Variants in SPON2 observed in about 807,000 individuals in gnomAD.
SPON2 encodes spondin 2.
Under a neutral mutation model 29.9 loss-of-function variants are expected in SPON2, and 32 were observed. That is an observed-to-expected ratio of 1.07 (90% CI 0.81 to 1.44). The LOEUF is 1.44. Among genes scored for constraint, SPON2 ranks in the 40% most tolerant of loss-of-function variants. SPON2 has a pLI of 0.00. For missense variants in SPON2, 541 were observed against 455.5 expected (o/e 1.19, Z -1.71); for synonymous variants, 248 against 209.1 (o/e 1.19, Z -1.61).
intron 1 of SPON2, among the ~76,000 whole-genome samples, chr4:1,180,794 G>A (rs1015170059): frequency 2.6e-5 from 4 of 152,144 alleles, no homozygotes; most frequent in Non-Finnish European, 5.9e-5. Flanking sequence ...AGTGTAAAGT[G>A]TAAGTAAAAA....
chr4:1,176,560 ACATT>A (rs1234089874), upstream of SPON2, among the ~76,000 whole-genome samples: 1 of 151,878 alleles, frequency 6.6e-6, no homozygotes, highest in Non-Finnish European at 1.5e-5. Flanking sequence ...CTCACACAGT[ACATT>A]CATTCAAGCA....
At chr4:1,200,222 CCACTGTCTCTGA>C (rs1728164037) in intron 1 of SPON2, among the ~76,000 whole-genome samples, 1 of 152,148 alleles carries the variant, frequency 6.6e-6, no homozygotes, top group African/African-American at 2.4e-5. Context: ...GCTTCCCTGT[CCACTGTCTCTGA>C]CACGTTCTTC....
intron 1 of SPON2, among the ~76,000 whole-genome samples, chr4:1,186,524 A>C (rs1727811163): frequency 6.6e-6 from 1 of 152,038 alleles, no homozygotes; most frequent in Non-Finnish European, 1.5e-5. Flanking sequence ...GGCTGGTCTC[A>C]AACTCCTGAG....
intron 1 of SPON2, chr4:1,194,884 A>G (rs1472774132): frequency 2.8e-5 from 4 of 142,012 alleles, no homozygotes; most frequent in African/African-American, 8.0e-5. Context: ...GGCGGCTCCA[A>G]CGCCACAGCC....
rs567138111 is a variant in SPON2 at position 1,203,127 on chromosome 4, C to T, written c.-234+4753G>A. Among the ~76,000 whole-genome samples, 28 of 152,326 alleles carry T rather than the reference C, an allele frequency of 1.8e-4. 1 individual carries two copies. The East Asian group carries it at 4.2e-3, about 23-fold the overall frequency. On this transcript the variant is annotated intron_variant, in intron 1 of 3. Transcript: ENST00000509233. The stretch of plus-strand genomic sequence containing the variant: ...CTGCCCTCAGCAGACCCCAGCCTGC[C>T]GGCACCTGGATCTTGGACTCCCCAG...
chr4:1,199,688 A>C (rs952487653), upstream of SPON2: 1 of 152,262 alleles, frequency 6.6e-6, no homozygotes, highest in Non-Finnish European at 1.5e-5. This position sits in a 1 kb window ranked among gnomAD's most constrained non-coding sequence, Gnocchi z 4.5. Context: ...GGGTCCCCCC[A>C]TCACGCCTCT....
At position 1,204,154 on chromosome 4, in the gene SPON2, G is replaced by A. The variant is rs754759240; in HGVS notation, c.-234+3726C>T. Among the ~76,000 whole-genome samples the A allele has an allele frequency of 4.6e-5, 7 of 152,364 alleles. No homozygotes were observed. In the Middle Eastern group the frequency reaches 0.014, roughly 296 times the overall value. On this transcript the variant is annotated intron_variant, in intron 1 of 3. Coordinates refer to the SPON2 transcript ENST00000509233. ...CCCAAAGTGCTGGGATTACAGGCGTGAGCCACTGCGCCCGGCCTCTCCCAG... is the reference window on the plus strand; with the variant it reads ...CCCAAAGTGCTGGGATTACAGGCGTAAGCCACTGCGCCCGGCCTCTCCCAG...
rs764141628 is a variant in SPON2 at position 1,171,362 on chromosome 4, C to T, written c.345G>A (p.Glu115=). The change falls in exon 3 of 6, where the codon GAG becomes GAA. Residue 115 remains glutamate (E), a synonymous_variant. Transcript: ENST00000290902. ...ALMKEIEAAG[E]ALQSVHAVFS... ...ACACCGCGTGCACGCTCTGCAGCGC[C>T]TCCCCCGCCGCCTCGATCTCCTTCA... The T allele has an allele frequency of 3.2e-5, 51 of 1,611,400 alleles. No homozygotes were observed. Among genetic ancestry groups the T allele is most frequent in the Admixed American group, 2.3e-4 (14 of 59,980 alleles).
At position 1,167,696 on chromosome 4, in the gene SPON2, T is replaced by C. The variant is rs560342375; in HGVS notation, c.812-40A>G. The C allele has an allele frequency of 1.0e-5, 16 of 1,540,216 alleles. No homozygotes were observed. In the African/African-American group the frequency reaches 1.9e-4, roughly 19 times the overall value. On this transcript the variant is annotated intron_variant, in intron 5 of 5. Coordinates refer to ENST00000290902, the MANE Select transcript of SPON2 (RefSeq NM_012445.4). ...GGGGAGACCGAGGTGAACGCTCGCG[T>C]GAAGAGGCGCTTCGTACAAACGGAA... is the stretch of plus-strand genomic sequence containing the variant.
In SPON2 at chr4:1,171,848, T is replaced by C; in HGVS notation, c.220+4A>G. ...GCAGGAGGCGAGGAGGGGGCTGTAC[T>C]TACCCAGCAGCGAAGACCACTGCGC... On this transcript the variant is annotated splice_donor_region_variant and intron_variant, in intron 2 of 5. Transcript: ENST00000290902. 6.2e-7 allele frequency: 1 copy of C among 1,608,872 alleles called. No homozygotes were observed. The highest frequency in any genetic ancestry group is 1.1e-5 in the South Asian group (1 of 91,020).
intron 1 of SPON2, among the ~76,000 whole-genome samples, chr4:1,182,114 G>A (rs1167761520): frequency 6.6e-6 from 1 of 152,062 alleles, no homozygotes; most frequent in Admixed American, 6.5e-5. Flanking sequence ...CAAACCCCAG[G>A]GAAGGGGGAA....
intron 5 of SPON2, 137 bp from the exon 6 acceptor site, chr4:1,167,793 A>G (rs554820889): frequency 6.6e-6 from 6 of 908,006 alleles, no homozygotes; most frequent in Non-Finnish European, 9.7e-6. Flanking sequence ...GTTTCTCCGC[A>G]CAGTCGCAGA....
At chr4:1,204,721 G>A (rs1728296738) in intron 1 of SPON2, among the ~76,000 whole-genome samples, 1 of 152,162 alleles carries the variant, frequency 6.6e-6, no homozygotes. Flanking sequence ...TGTGGCAGCC[G>A]GCCAGCACGA....
intron 4 of SPON2, 151 bp from the exon 5 acceptor site, chr4:1,170,727 A>G: frequency 9.3e-7 from 1 of 1,079,940 alleles, no homozygotes; most frequent in Non-Finnish European, 1.4e-6. Context: ...CAGCCATCCC[A>G]CGGAACACGG....
At chr4:1,173,518 T>G (rs1337643558), upstream of SPON2, among the ~76,000 whole-genome samples, 2 of 152,246 alleles carry the variant, frequency 1.3e-5, no homozygotes, top group African/African-American at 4.8e-5. Context: ...GATGCTGAAG[T>G]TGATCCTGCT....
At chr4:1,192,245 C>A (rs1283096317) in intron 1 of SPON2, among the ~76,000 whole-genome samples, 1 of 152,210 alleles carries the variant, frequency 6.6e-6, no homozygotes, top group Admixed American at 6.5e-5. Flanking sequence ...TTCCTCGTGA[C>A]CCACAGCCAG....
At chr4:1,188,202 CAAAAAAAAAAA>C (rs1164276990) in intron 1 of SPON2, among the ~76,000 whole-genome samples, 2 of 36,582 alleles carry the variant, frequency 5.5e-5, no homozygotes, top group African/African-American at 2.1e-4. Flanking sequence ...GACTCCGTCT[CAAAAAAAAAAA>C]AAAAAAAAAA....
chr4:1,186,286 A>G (rs1051660237), intron 1 of SPON2, among the ~76,000 whole-genome samples: 1 of 150,892 alleles, frequency 6.6e-6, no homozygotes, highest in Non-Finnish European at 1.5e-5. Context: ...TAAAGGGGCA[A>G]CTCAAAAGAT....
chr4:1,189,366 A>G (rs1410719365), intron 1 of SPON2, among the ~76,000 whole-genome samples: 2 of 152,154 alleles, frequency 1.3e-5, no homozygotes, highest in African/African-American at 2.4e-5. Context: ...TAAAAGATCA[A>G]TTAAAACAGA....
Sources: allele counts gnomAD v4.1 joint callset (sites outside exome capture counted in the v4.1 genomes callset), GRCh38; gene constraint gnomAD v4.1.1; non-coding constraint Gnocchi (gnomAD v3.1); transcripts MANE v1.5; gene names NCBI Gene and HGNC (gene_info 2026-07-23, HGNC 2026-07-21).